MC2R: variants seen among roughly 807,000 people sequenced by gnomAD.
MC2R encodes the protein adrenocorticotropic hormone receptor.
Under a neutral mutation model 9.8 loss-of-function variants are expected in MC2R, and 9 were observed. That is an observed-to-expected ratio of 0.92 (90% CI 0.55 to 1.60). The LOEUF is 1.60. Among genes scored for constraint, MC2R ranks in the 40% most tolerant of loss-of-function variants. MC2R has a pLI of 0.00. For synonymous variants in MC2R, 185 were observed against 154.7 expected, an observed-to-expected ratio of 1.20 and a Z score of -1.45; for missense variants, 370 against 389.0, an observed-to-expected ratio of 0.95 and a Z score of 0.41.
rs952231596 is a variant in MC2R, at chr18:13,882,706, A to T, written c.*1919T>A. On this transcript the variant is annotated 3_prime_UTR_variant, in exon 2 of 2. Transcript: ENST00000327606. ...CACAGAGCATTGCAGCATCAAAAAA[A>T]GGTTACCTCTTATTGAGAATACGCA... 6 of 152,268 alleles carry T rather than the reference A, an allele frequency of 3.9e-5. No individual in the cohort carries two copies. The highest frequency in any genetic ancestry group is 8.8e-5 in the Non-Finnish European group (6 of 68,056). 9.4% of individuals were successfully genotyped at this position (152,268 alleles called of 1,614,324 possible).
At position 13,884,597 on chromosome 18, in the gene MC2R, TG is replaced by T. The variant is rs1258952511; in HGVS notation, c.*27del. 1.2e-6 allele frequency: 2 copies of T among 1,608,646 alleles called. No individual in the cohort carries two copies. Among genetic ancestry groups the T allele is most frequent in the Admixed American group, 3.3e-5 (2 of 60,034 alleles). ...CTGGCACTTGGCAACGTTATTCCCATGGATTCTAAAACCAGGGATCAGCCAT... is the reference window on the plus strand; with the variant it reads ...CTGGCACTTGGCAACGTTATTCCCATGATTCTAAAACCAGGGATCAGCCAT... On this transcript the variant is annotated 3_prime_UTR_variant, in exon 2 of 2. Transcript: ENST00000327606.
intron 1 of MC2R, among the ~76,000 whole-genome samples, chr18:13,905,856 G>T (rs547331969): frequency 2.0e-5 from 3 of 151,592 alleles, no homozygotes; most frequent in Admixed American, 1.3e-4. Context: ...AAGAGATCGA[G>T]ACCATCCTGG....
At chr18:13,900,254 A>G (rs1382215940) in intron 1 of MC2R, among the ~76,000 whole-genome samples, 2 of 152,148 alleles carry the variant, frequency 1.3e-5, no homozygotes, top group Admixed American at 6.5e-5. Flanking sequence ...CAAAAAACAT[A>G]CAATGGATAC....
At chr18:13,902,989 T>C (rs1172191643) in intron 1 of MC2R, among the ~76,000 whole-genome samples, 1 of 152,150 alleles carries the variant, frequency 6.6e-6, no homozygotes, top group Non-Finnish European at 1.5e-5. Context: ...CAAACAACTC[T>C]ACAGGATAAA....
Position 13,883,621 on chromosome 18 carries a change from ACACACACTCTCTCTCTCT to A in MC2R, c.*986_*1003del, listed in dbSNP as rs1224986379. On this transcript the variant is annotated 3_prime_UTR_variant, in exon 2 of 2. Transcript: ENST00000327606. ...CACACACACACACACACACACACAC[ACACACACTCTCTCTCTCT>A]CTCTCTCTCTCTCTCTCTGTCTGTC... The A allele has an allele frequency of 7.9e-5, 6 of 76,032 alleles. No individual in the cohort carries two copies. The highest frequency in any genetic ancestry group is 2.7e-4 in the African/African-American group (5 of 18,222). 4.7% of individuals were successfully genotyped at this position (76,032 alleles called of 1,614,324 possible).
At chr18:13,895,573 G>A (rs2149138646) in intron 1 of MC2R, among the ~76,000 whole-genome samples, 1 of 152,276 alleles carries the variant, frequency 6.6e-6, no homozygotes, top group Non-Finnish European at 1.5e-5. Flanking sequence ...CCTGTAGAAA[G>A]CAGCTGAAAT....
chr18:13,885,568 G>A lies in MC2R; in HGVS notation c.-50C>T, dbSNP rs1220107384. On this transcript the variant is annotated 5_prime_UTR_variant, in exon 2 of 2. Coordinates refer to ENST00000327606, the MANE Select transcript of MC2R (RefSeq NM_000529.2). ...GGATGTTACTTGGACTTGACTTCAC[G>A]GAAAACTTGATTGATTCTTCAGGAT... is the stretch of plus-strand genomic sequence containing the variant. The A allele has an allele frequency of 1.1e-5, 17 of 1,596,002 alleles. No homozygotes were observed. The highest frequency in any genetic ancestry group is 1.6e-4 in the Middle Eastern group (1 of 6,066).
At chr18:13,901,180 T>A (rs1309833891) in intron 1 of MC2R, among the ~76,000 whole-genome samples, 3 of 151,874 alleles carry the variant, frequency 2.0e-5, no homozygotes, top group African/African-American at 7.3e-5. Flanking sequence ...AATTGAAAAA[T>A]TTTATTGAAA....
intron 1 of MC2R, among the ~76,000 whole-genome samples, chr18:13,896,263 A>G (rs1327877357): frequency 1.3e-5 from 2 of 152,206 alleles, no homozygotes; most frequent in Non-Finnish European, 2.9e-5. Context: ...TTTGGTGCAA[A>G]TCAAAAAAGT....
intron 1 of MC2R, among the ~76,000 whole-genome samples, chr18:13,893,387 C>A (rs2045328490): frequency 6.6e-6 from 1 of 152,150 alleles, no homozygotes. Flanking sequence ...AAGTGCAGAT[C>A]TTCTGCTTTG....
chr18:13,890,987 G>A (rs991767494), intron 1 of MC2R, among the ~76,000 whole-genome samples: 9 of 152,138 alleles, frequency 5.9e-5, no homozygotes, highest in African/African-American at 1.7e-4. Flanking sequence ...GAGTAGGGCG[G>A]GTCTCAGACT....
intron 1 of MC2R, among the ~76,000 whole-genome samples, chr18:13,903,581 A>G (rs2045393254): frequency 6.6e-6 from 1 of 152,246 alleles, no homozygotes; most frequent in Non-Finnish European, 1.5e-5. Flanking sequence ...ACAGAAAGAC[A>G]AACATCACAT....
chr18:13,891,501 C>T (rs1450418626), intron 1 of MC2R, among the ~76,000 whole-genome samples: 1 of 152,194 alleles, frequency 6.6e-6, no homozygotes, highest in Admixed American at 6.5e-5. Context: ...TGTTGTCAGG[C>T]TGCCTTCCAT....
chr18:13,907,180 A>G (rs1334030810), intron 1 of MC2R, among the ~76,000 whole-genome samples: 1 of 152,256 alleles, frequency 6.6e-6, no homozygotes, highest in South Asian at 2.1e-4. Context: ...AGTTACACAG[A>G]TAAATGGAAG....
intron 1 of MC2R, among the ~76,000 whole-genome samples, chr18:13,898,313 G>A (rs2045358519): frequency 6.6e-6 from 1 of 152,162 alleles, no homozygotes; most frequent in Non-Finnish European, 1.5e-5. Context: ...CGGGTGAGTG[G>A]GAAAGACTGT....
chr18:13,906,825 G>T (rs1238964779), intron 1 of MC2R, among the ~76,000 whole-genome samples: 1 of 152,176 alleles, frequency 6.6e-6, no homozygotes, highest in Non-Finnish European at 1.5e-5. Context: ...AACCAAAGAA[G>T]TGAAAGATCT....
intron 1 of MC2R, among the ~76,000 whole-genome samples, chr18:13,891,511 T>C (rs1428315167): frequency 4.6e-5 from 7 of 152,356 alleles, no homozygotes; most frequent in African/African-American, 9.6e-5. Context: ...CTGCCTTCCA[T>C]AGGGGCTATC....
intron 1 of MC2R, among the ~76,000 whole-genome samples, chr18:13,903,707 G>A (rs537662670): frequency 6.6e-6 from 1 of 152,274 alleles, no homozygotes; most frequent in South Asian, 2.1e-4. Context: ...TGGTTCTGGA[G>A]GGAGGTGGGG....
At chr18:13,904,133 G>A (rs551951900) in intron 1 of MC2R, among the ~76,000 whole-genome samples, 1 of 151,970 alleles carries the variant, frequency 6.6e-6, no homozygotes, top group East Asian at 1.9e-4. Flanking sequence ...CCAGCAGTCT[G>A]GGAGGAAGAG....
Sources: gnomAD v4.1 joint callset for allele counts (sites outside exome capture counted in the v4.1 genomes callset) on GRCh38, gnomAD v4.1.1 for gene constraint, MANE v1.5 for transcripts, NCBI Gene and HGNC (gene_info 2026-07-23, HGNC 2026-07-21) for gene names.